The following DPYD variants were observed in gnomAD, a reference collection of about 807,000 sequenced individuals.
The protein encoded by DPYD is dihydropyrimidine dehydrogenase [NADP(+)].
Under a neutral mutation model 116.2 loss-of-function variants are expected in DPYD, and 109 were observed. That is an observed-to-expected ratio of 0.94 (90% confidence interval 0.80 to 1.10). The LOEUF is 1.10. Ranked by LOEUF, DPYD falls within the 50% of genes least tolerant of loss-of-function variation. DPYD has a pLI of 0.00. For missense variants in DPYD, 1,302 were observed against 1,254.5 expected (o/e 1.04, Z -0.57); for synonymous variants, 440 against 432.0 (o/e 1.02, Z -0.23).
chr1:97,569,827 T>C (rs1380084405), intron 11 of DPYD, among the ~76,000 whole-genome samples: 3 of 151,982 alleles, frequency 2.0e-5, no homozygotes, highest in Non-Finnish European at 4.4e-5. Context: ...ACATATTCCA[T>C]GCACATGGAT....
chr1:97,391,048 CTTTTTTT>C lies in DPYD; in HGVS notation c.1906-8594_1906-8588del, dbSNP rs571016808. ...TTTGGAGATACCACTTACTTTTCCT[CTTTTTTT>C]TTTTTTTTTTGGTGTTCTTTTTCTA... On this transcript the variant is annotated intron_variant, in intron 14 of 22. Transcript: ENST00000370192. Among the ~76,000 whole-genome samples, 4 of 132,466 alleles carry C rather than the reference CTTTTTTT, an allele frequency of 3.0e-5. No homozygotes were observed. In the South Asian group the frequency reaches 9.7e-4, roughly 32 times the overall value. 86.9% of individuals were successfully genotyped at this position (132,466 alleles called of 152,430 possible).
chr1:97,645,656 G>A (rs115387062), intron 8 of DPYD, among the ~76,000 whole-genome samples: 58 of 151,960 alleles, frequency 3.8e-4, no homozygotes, highest in African/African-American at 1.4e-3. Flanking sequence ...GATATGTTAG[G>A]TTTATAACAA....
chr1:97,661,639 A>G (rs1211452630), intron 8 of DPYD, among the ~76,000 whole-genome samples: 1 of 152,220 alleles, frequency 6.6e-6, no homozygotes, highest in African/African-American at 2.4e-5. Context: ...AAAGTCAATC[A>G]AATTACAATA....
Position 97,289,006 on chromosome 1 carries a change from T to C in DPYD, c.2299+16253A>G, listed in dbSNP as rs542693922. Among the ~76,000 whole-genome samples the C allele has an allele frequency of 5.9e-5, 9 of 152,136 alleles. No homozygotes were observed. The South Asian group carries it at 1.7e-3, about 28-fold the overall frequency. On this transcript the variant is annotated intron_variant, in intron 18 of 22. Coordinates refer to ENST00000370192, the MANE Select transcript of DPYD (RefSeq NM_000110.4). ...GCAATAAAAAATGATAAAGGGGACA[T>C]CACCACTGATACTGCAGAAATACAA...
chr1:97,875,391 ATTAAAACTATGGAG>A (rs1392540123), intron 2 of DPYD, among the ~76,000 whole-genome samples: 1 of 151,992 alleles, frequency 6.6e-6, no homozygotes, highest in African/African-American at 2.4e-5. Context: ...ATAGATGGGC[ATTAAAACTATGGAG>A]TGAATGTAGC....
chr1:97,152,067 T>TA (rs1179943935), intron 20 of DPYD, among the ~76,000 whole-genome samples: 1 of 152,214 alleles, frequency 6.6e-6, no homozygotes, highest in Non-Finnish European at 1.5e-5. Context: ...GATAATGTAT[T>TA]AATCAACATG....
At chr1:97,332,303 A>G (rs1669050747) in intron 16 of DPYD, among the ~76,000 whole-genome samples, 1 of 152,242 alleles carries the variant, frequency 6.6e-6, no homozygotes, top group Non-Finnish European at 1.5e-5. Context: ...AAAATTTAAA[A>G]GAGCTAAATA....
At chr1:97,513,228 C>CA (rs1038609319) in intron 13 of DPYD, among the ~76,000 whole-genome samples, 2 of 150,610 alleles carry the variant, frequency 1.3e-5, no homozygotes, top group African/African-American at 2.4e-5. Context: ...TCCAAACTCC[C>CA]AAAAAAATAA....
intron 5 of DPYD, among the ~76,000 whole-genome samples, chr1:97,713,118 A>C (rs1234072736): frequency 2.6e-5 from 4 of 152,084 alleles, no homozygotes; most frequent in Admixed American, 2.6e-4. Flanking sequence ...TGGGTGGCTT[A>C]AATGTTAACT....
At chr1:97,599,023 G>A (rs920484177) in intron 8 of DPYD, among the ~76,000 whole-genome samples, 14 of 152,206 alleles carry the variant, frequency 9.2e-5, no homozygotes, top group Non-Finnish European at 1.6e-4. Context: ...CAACATGTAT[G>A]TATTAAGTTT....
chr1:97,312,892 A>G (rs1267579115), intron 16 of DPYD, among the ~76,000 whole-genome samples: 1 of 151,890 alleles, frequency 6.6e-6, no homozygotes, highest in Non-Finnish European at 1.5e-5. Flanking sequence ...AATTTCATCT[A>G]TTATTCTAAA....
At chr1:97,621,594 T>C (rs982282703) in intron 8 of DPYD, among the ~76,000 whole-genome samples, 1 of 152,132 alleles carries the variant, frequency 6.6e-6, no homozygotes, top group Non-Finnish European at 1.5e-5. Context: ...AGTATACACA[T>C]ATATATTCCC....
chr1:97,323,291 TA>T (rs1668430602), intron 16 of DPYD, among the ~76,000 whole-genome samples: 1 of 147,938 alleles, frequency 6.8e-6, no homozygotes, highest in African/African-American at 2.5e-5. Flanking sequence ...TATATATACA[TA>T]TGTGTATATG....
intron 14 of DPYD, among the ~76,000 whole-genome samples, chr1:97,396,154 A>G (rs1206412621): frequency 6.6e-6 from 1 of 152,042 alleles, no homozygotes; most frequent in African/African-American, 2.4e-5. Flanking sequence ...GCTGAGTACT[A>G]TGTTTAGAAT....
chr1:97,697,409 CAAG>C (rs1661367619), intron 6 of DPYD, among the ~76,000 whole-genome samples: 1 of 151,956 alleles, frequency 6.6e-6, no homozygotes, highest in Non-Finnish European at 1.5e-5. Context: ...TAGCCACTTT[CAAG>C]ATACAAGAGA....
chr1:97,197,001 A>AT (rs1202584172), intron 19 of DPYD, among the ~76,000 whole-genome samples: 26 of 152,240 alleles, frequency 1.7e-4, no homozygotes, highest in Middle Eastern at 3.2e-3. Context: ...ATGAGTAAGA[A>AT]TAGTAACAAG....
intron 3 of DPYD, among the ~76,000 whole-genome samples, chr1:97,752,813 C>G (rs1023492606): frequency 6.6e-6 from 1 of 152,166 alleles, no homozygotes; most frequent in Non-Finnish European, 1.5e-5. Context: ...ACAGTAACAG[C>G]TGATTCACTT....
rs545073885 is a variant in DPYD, at chr1:97,875,081, G to T, written c.150+8183C>A. ...ATCAAATGGCATAAAAATATTAAATGAATGTATGTTATACATTTGAGTCTT... is the reference window on the plus strand; with the variant it reads ...ATCAAATGGCATAAAAATATTAAATTAATGTATGTTATACATTTGAGTCTT... On this transcript the variant is annotated intron_variant, in intron 2 of 22. Coordinates refer to ENST00000370192, the MANE Select transcript of DPYD (RefSeq NM_000110.4). 2.6e-5 allele frequency among the ~76,000 whole-genome samples: 4 copies of T among 151,998 alleles called. No homozygotes were observed. In the East Asian group the frequency reaches 7.8e-4, roughly 30 times the overall value.
intron 13 of DPYD, among the ~76,000 whole-genome samples, chr1:97,481,173 T>C (rs1678274001): frequency 6.6e-6 from 1 of 152,096 alleles, no homozygotes; most frequent in South Asian, 2.1e-4. Context: ...AAGTAATGAT[T>C]TGAGAGGACG....
Sources: allele counts gnomAD v4.1 joint callset (sites outside exome capture counted in the v4.1 genomes callset), GRCh38; gene constraint gnomAD v4.1.1; transcripts MANE v1.5; gene names NCBI Gene and HGNC (gene_info 2026-07-23, HGNC 2026-07-21).